B4GALT5: variants seen among roughly 807,000 people sequenced by gnomAD.
B4GALT5 encodes beta-1,4-galactosyltransferase 5.
B4GALT5 carries 11 observed loss-of-function variants against 45.0 expected under a neutral mutation model. That is an observed-to-expected ratio of 0.24 (90% CI 0.15 to 0.40). The LOEUF is 0.40. Ranked by LOEUF, B4GALT5 falls within the 10% of genes least tolerant of loss-of-function variation. B4GALT5 has a pLI of 1.00. For missense variants in B4GALT5, 337 were observed against 500.2 expected, an observed-to-expected ratio of 0.67 and a Z score of 3.11; for synonymous variants, 185 against 182.9, an observed-to-expected ratio of 1.01 and a Z score of -0.09.
At chr20:49,690,658 A>C (rs1045582460) in intron 1 of B4GALT5, among the ~76,000 whole-genome samples, 7 of 152,206 alleles carry the variant, frequency 4.6e-5, no homozygotes, top group African/African-American at 1.7e-4. Flanking sequence ...AAAAAGTTAT[A>C]TCTGTTACAT....
At chr20:49,672,402 G>A (rs2085719770) in intron 1 of B4GALT5, among the ~76,000 whole-genome samples, 1 of 152,200 alleles carries the variant, frequency 6.6e-6, no homozygotes, top group Admixed American at 6.5e-5. Flanking sequence ...CACACACTTA[G>A]CAAAACAAAG....
chr20:49,654,010 A>G (rs550837815), intron 2 of B4GALT5, among the ~76,000 whole-genome samples: 34 of 152,268 alleles, frequency 2.2e-4, no homozygotes, highest in African/African-American at 8.2e-4. Context: ...TTCTGAGAGA[A>G]CTGCCAGTAC....
At chr20:49,659,603 T>C (rs1184126254) in intron 1 of B4GALT5, among the ~76,000 whole-genome samples, 5 of 152,162 alleles carry the variant, frequency 3.3e-5, no homozygotes, top group African/African-American at 1.2e-4. Flanking sequence ...GGAGTAAAGA[T>C]TGCCAAACAA....
intron 2 of B4GALT5, among the ~76,000 whole-genome samples, chr20:49,648,741 G>A: frequency 6.6e-6 from 1 of 152,132 alleles, no homozygotes; most frequent in East Asian, 1.9e-4. Context: ...CTTTTTCCTA[G>A]GGGACTGTAC....
At chr20:49,712,403 T>C (rs985220928) in intron 1 of B4GALT5, among the ~76,000 whole-genome samples, 1 of 151,066 alleles carries the variant, frequency 6.6e-6, no homozygotes, top group African/African-American at 2.4e-5. Flanking sequence ...TCTTTCCTTC[T>C]GATCTCTTCC....
chr20:49,673,852 A>C (rs2085725905), intron 1 of B4GALT5, among the ~76,000 whole-genome samples: 2 of 152,048 alleles, frequency 1.3e-5, no homozygotes. Context: ...AAAAAAAGCA[A>C]AATAGTGGTA....
In B4GALT5 at chr20:49,713,676, C is replaced by G. The variant is rs747199829; in HGVS notation, c.15G>C (p.Arg5=). The change falls in exon 1 of 9, where the codon CGG becomes CGC. Residue 5 remains arginine, a synonymous_variant. Coordinates refer to ENST00000371711, the MANE Select transcript of B4GALT5 (RefSeq NM_004776.4). The part of the protein sequence containing the change: MRAR[R]GLLRLPRRSL... ...AGCGGCGCGGCAGCCGCAGCAGCCC[C>G]CGGCGGGCGCGCATGCTGCAGCCAG... is the stretch of plus-strand genomic sequence containing the variant. 1.3e-6 allele frequency: 2 copies of G among 1,508,100 alleles called. No homozygotes were observed. The highest frequency in any genetic ancestry group is 1.8e-6 in the Non-Finnish European group (2 of 1,122,318). The allele number at this position is 1,508,100 out of a possible 1,614,324, so 93.4% of individuals were successfully genotyped here.
chr20:49,656,477 G>A lies in B4GALT5; in HGVS notation c.250+91C>T, dbSNP rs183317062. Reference sequence around the variant, plus strand: ...CAGCCAAATCCCTCTTTTACAATGCGCTTTTCCCATTGAAAATAATTATTG... The same window carrying A: ...CAGCCAAATCCCTCTTTTACAATGCACTTTTCCCATTGAAAATAATTATTG... On this transcript the variant is annotated intron_variant, in intron 2 of 8. Coordinates refer to ENST00000371711, the MANE Select transcript of B4GALT5 (RefSeq NM_004776.4). The A allele has an allele frequency of 4.4e-4, 666 of 1,517,996 alleles. 2 individuals carry two copies. The African/African-American group carries it at 7.8e-3, about 18-fold the overall frequency. 94.0% of individuals were successfully genotyped at this position (1,517,996 alleles called of 1,614,324 possible).
At chr20:49,652,507 G>A (rs1370198759) in intron 2 of B4GALT5, among the ~76,000 whole-genome samples, 1 of 151,486 alleles carries the variant, frequency 6.6e-6, no homozygotes, top group Non-Finnish European at 1.5e-5. Flanking sequence ...TAGCCACATC[G>A]AAGACTACAG....
At position 49,636,208 on chromosome 20, in the gene B4GALT5, T is replaced by TA. The variant is rs2085552947; in HGVS notation, c.*103dup. On this transcript the variant is annotated 3_prime_UTR_variant, in exon 9 of 9. Coordinates refer to ENST00000371711, the MANE Select transcript of B4GALT5 (RefSeq NM_004776.4). ...CTCTGTGATCCTTCATGAGACACAGTATTTCTGTTCTCTTGCTGTGTAGAC... is the reference window on the plus strand; with the variant it reads ...CTCTGTGATCCTTCATGAGACACAGTAATTTCTGTTCTCTTGCTGTGTAGAC... 1 of 1,385,132 alleles carries TA rather than the reference T, an allele frequency of 7.2e-7. No individual in the cohort carries two copies. The highest frequency in any genetic ancestry group is 2.0e-5 in the Admixed American group (1 of 50,288). The allele number at this position is 1,385,132 out of a possible 1,614,324, so 85.8% of individuals were successfully genotyped here. A position where few individuals can be genotyped will look rare whatever the true frequency, so the allele number is the denominator to read the frequency against.
intron 1 of B4GALT5, among the ~76,000 whole-genome samples, chr20:49,690,625 T>C (rs1038499391): frequency 1.3e-4 from 20 of 151,972 alleles, no homozygotes; most frequent in African/African-American, 4.6e-4. Flanking sequence ...TGAAGCTAAA[T>C]TTAATACTTA....
At chr20:49,712,953 G>A (rs1448269805) in intron 1 of B4GALT5, among the ~76,000 whole-genome samples, 1 of 151,886 alleles carries the variant, frequency 6.6e-6, no homozygotes, top group African/African-American at 2.4e-5. Context: ...GAGAGATCAG[G>A]CCACTGAAGA....
At chr20:49,704,162 T>C (rs1488177192) in intron 1 of B4GALT5, among the ~76,000 whole-genome samples, 1 of 152,220 alleles carries the variant, frequency 6.6e-6, no homozygotes, top group Non-Finnish European at 1.5e-5. Flanking sequence ...GCTTGGTTCC[T>C]GAAAGTAGAA....
chr20:49,636,314 A>G lies in B4GALT5; in HGVS notation c.1165T>C (p.Ter389ArgextTer39). The change falls in exon 9 of 9, where the codon TGA (stop) becomes CGA (arginine). Residue 389 changes from the stop codon to arginine, a stop_lost. Coordinates refer to ENST00000371711, the MANE Select transcript of B4GALT5 (RefSeq NM_004776.4). ...TPELAQVNEY[*>R] ...AAGCAAACGTACATTCTCTCCTCTC[A>G]GTACTCGTTCACCTGAGCCAGCTCG... The G allele has an allele frequency of 6.2e-7, 1 of 1,613,652 alleles. No homozygotes were observed. Among genetic ancestry groups the G allele is most frequent in the Non-Finnish European group, 8.5e-7 (1 of 1,179,852 alleles).
At chr20:49,654,768 T>A (rs1412696341) in intron 2 of B4GALT5, among the ~76,000 whole-genome samples, 1 of 152,192 alleles carries the variant, frequency 6.6e-6, no homozygotes, top group East Asian at 1.9e-4. Context: ...AATTTTTTTT[T>A]AAATGTAAGT....
intron 1 of B4GALT5, among the ~76,000 whole-genome samples, chr20:49,671,539 A>G (rs541814006): frequency 6.6e-6 from 1 of 152,352 alleles, no homozygotes; most frequent in African/African-American, 2.4e-5. Context: ...AAAGGAAAAT[A>G]TAAGCCTAGA....
intron 1 of B4GALT5, among the ~76,000 whole-genome samples, chr20:49,687,894 T>G (rs1424532042): frequency 6.6e-6 from 1 of 151,526 alleles, no homozygotes; most frequent in African/African-American, 2.4e-5. Flanking sequence ...AAAAAAAAAT[T>G]TTTTTTTTCA....
chr20:49,698,338 GA>G (rs2085848067), intron 1 of B4GALT5, among the ~76,000 whole-genome samples: 1 of 151,680 alleles, frequency 6.6e-6, no homozygotes, highest in South Asian at 2.1e-4. Flanking sequence ...AATAAAAAAA[GA>G]AAAAAGAAAA....
chr20:49,692,425 T>C (rs1237039710), intron 1 of B4GALT5, among the ~76,000 whole-genome samples: 1 of 152,046 alleles, frequency 6.6e-6, no homozygotes, highest in Non-Finnish European at 1.5e-5. Context: ...TATGATCGCA[T>C]CACTGCATTC....
Sources: gnomAD v4.1 joint callset for allele counts (sites outside exome capture counted in the v4.1 genomes callset) on GRCh38, gnomAD v4.1.1 for gene constraint, MANE v1.5 for transcripts, NCBI Gene and HGNC (gene_info 2026-07-23, HGNC 2026-07-21) for gene names.